Variants in LIMK2 observed in about 807,000 individuals in gnomAD.
LIMK2 encodes the protein LIM domain kinase 2.
A neutral mutation model predicts 75.7 loss-of-function variants in LIMK2; 35 were observed. That is an observed-to-expected ratio of 0.46 (90% CI 0.35 to 0.61). The LOEUF (loss-of-function observed/expected upper bound fraction) is 0.61, where lower values mean the gene tolerates loss of function less well. Among genes scored for constraint, LIMK2 ranks in the 20% least tolerant of loss-of-function variants. The pLI is 0.00. For missense variants in LIMK2, 623 were observed against 831.0 expected (o/e 0.75, Z 3.08); for synonymous variants, 301 against 319.2 (o/e 0.94, Z 0.61).
chr22:31,272,855 A>G, intron 13 of LIMK2, 151 bp downstream of exon 13: 1 of 1,408,128 alleles, frequency 7.1e-7, no homozygotes, highest in East Asian at 2.6e-5. Context: ...GTGGGGCCTC[A>G]CGATTTAGCT....
intron 15 of LIMK2, chr22:31,276,689 C>A: frequency 1.7e-6 from 2 of 1,155,724 alleles, no homozygotes; most frequent in Non-Finnish European, 2.1e-6. Flanking sequence ...CGGAGGCCGC[C>A]GTGGCGGACA....
In LIMK2 at chr22:31,262,283, A is replaced by C. The variant is rs1299159486; in HGVS notation, c.657+44A>C. 2.8e-6 allele frequency: 4 copies of C among 1,446,982 alleles called. No individual in the cohort carries two copies. The African/African-American group carries it at 4.2e-5, about 15-fold the overall frequency. 89.6% of individuals were successfully genotyped at this position (1,446,982 alleles called of 1,614,324 possible). ...CTGTCTTGTGAGGGTGGGACATGGA[A>C]CAGATCCTCTGAGAAATCAGGCTGT... On this transcript the variant is annotated intron_variant, in intron 6 of 15. Transcript: ENST00000331728. The surrounding 1 kb of genome is among the most constrained non-coding windows in gnomAD (Gnocchi z 5.0).
At chr22:31,247,731 T>C (rs2048684134) in intron 2 of LIMK2, among the ~76,000 whole-genome samples, 1 of 152,036 alleles carries the variant, frequency 6.6e-6, no homozygotes, top group Non-Finnish European at 1.5e-5. Context: ...GTCTGTAGAG[T>C]GGGAATAATT....
intron 12 of LIMK2, 152 bp from the exon 13 acceptor site, chr22:31,272,378 G>C: frequency 1.5e-6 from 1 of 676,546 alleles, no homozygotes. Flanking sequence ...CCTGGCCTGA[G>C]TGTGTCTATT....
chr22:31,268,207 C>A lies in LIMK2; in HGVS notation c.1317+7C>A, dbSNP rs781210625. The stretch of plus-strand genomic sequence containing the variant: ...AGGAATCGCCTCCGGAATGGTGAGT[C>A]CCACCAACAAACCTGCCAGCAGGGC... On this transcript the variant is annotated splice_region_variant and intron_variant, in intron 11 of 15. Coordinates refer to ENST00000331728, the MANE Select transcript of LIMK2 (RefSeq NM_005569.4). The A allele has an allele frequency of 4.0e-5, 64 of 1,611,764 alleles. No individual in the cohort carries two copies. The highest frequency in any genetic ancestry group is 5.4e-5 in the Non-Finnish European group (64 of 1,178,034).
At chr22:31,248,397 C>T in intron 2 of LIMK2, 1 of 1,369,040 alleles carries the variant, frequency 7.3e-7, no homozygotes, top group Non-Finnish European at 9.6e-7. Context: ...AGTCACCGGC[C>T]CCTGCTCAAG....
chr22:31,240,643 C>T (rs543331329), intron 2 of LIMK2, among the ~76,000 whole-genome samples: 64 of 152,080 alleles, frequency 4.2e-4, no homozygotes, highest in African/African-American at 1.5e-3. Flanking sequence ...AGGATGGTCT[C>T]GATCTCCTGA....
intron 7 of LIMK2, among the ~76,000 whole-genome samples, chr22:31,264,679 T>C (rs906357797): frequency 1.3e-5 from 2 of 152,192 alleles, no homozygotes; most frequent in Non-Finnish European, 2.9e-5. Context: ...TCCCAGCACA[T>C]TGGGAGGCCG....
At chr22:31,215,495 G>A (rs564910745) in intron 1 of LIMK2, among the ~76,000 whole-genome samples, 5 of 152,272 alleles carry the variant, frequency 3.3e-5, no homozygotes, top group African/African-American at 1.2e-4. Flanking sequence ...TGAAGAAACT[G>A]AGGCTCAGGG....
chr22:31,271,299 G>C, intron 12 of LIMK2, 98 bp downstream of exon 12: 2 of 1,027,248 alleles, frequency 1.9e-6, no homozygotes, highest in Non-Finnish European at 3.1e-6. Context: ...CTAGAGGGCA[G>C]AGGTGTTGCC....
intron 2 of LIMK2, among the ~76,000 whole-genome samples, chr22:31,227,558 T>C (rs538589782): frequency 2.6e-5 from 4 of 152,192 alleles, no homozygotes; most frequent in African/African-American, 9.7e-5. Flanking sequence ...CCCAGGGAAG[T>C]TGATTCTGTC....
At chr22:31,266,247 T>C in intron 8 of LIMK2, 115 bp downstream of exon 8, 1 of 1,048,576 alleles carries the variant, frequency 9.5e-7, no homozygotes. Context: ...CCAGGCCTCC[T>C]TCCTGGCTTT....
chr22:31,277,128 C>T (rs374876905), intron 15 of LIMK2: 6 of 1,613,662 alleles, frequency 3.7e-6, no homozygotes, highest in Middle Eastern at 1.7e-4. Context: ...TGAGCACACC[C>T]CAGAAGAAGT....
intron 2 of LIMK2, among the ~76,000 whole-genome samples, 187 bp from the exon 3 acceptor site, chr22:31,258,104 T>G (rs2048802471): frequency 6.6e-6 from 1 of 152,234 alleles, no homozygotes; most frequent in African/African-American, 2.4e-5. Context: ...AGAGCTGGTT[T>G]CTGGGGCCTT....
At chr22:31,226,876 T>G (rs1287883432) in intron 2 of LIMK2, among the ~76,000 whole-genome samples, 1 of 152,070 alleles carries the variant, frequency 6.6e-6, no homozygotes, top group East Asian at 1.9e-4. Context: ...TCCCAAAATG[T>G]TGGGATTACA....
chr22:31,242,173 G>T (rs573149390), intron 2 of LIMK2, among the ~76,000 whole-genome samples: 1 of 152,314 alleles, frequency 6.6e-6, no homozygotes, highest in African/African-American at 2.4e-5. Flanking sequence ...AAGGTCTCAT[G>T]ATGAGTAACC....
chr22:31,237,233 C>G (rs1272850409), intron 2 of LIMK2, among the ~76,000 whole-genome samples: 1 of 137,710 alleles, frequency 7.3e-6, no homozygotes, highest in Non-Finnish European at 1.6e-5. Context: ...TGCAGTCCAG[C>G]CTGGGCGACA....
chr22:31,267,945 G>T, intron 10 of LIMK2, 38 bp downstream of exon 10: 4 of 1,573,510 alleles, frequency 2.5e-6, no homozygotes, highest in Non-Finnish European at 3.4e-6. Flanking sequence ...GAGCCTTGGT[G>T]GGTTGTCAGA....
intron 2 of LIMK2, among the ~76,000 whole-genome samples, chr22:31,254,938 G>A (rs1214203822): frequency 2.0e-5 from 3 of 150,142 alleles, no homozygotes; most frequent in African/African-American, 4.9e-5. Context: ...CAGCCTGGGC[G>A]ATAAGAGCAA....
Sources: allele counts gnomAD v4.1 joint callset (sites outside exome capture counted in the v4.1 genomes callset), GRCh38; gene constraint gnomAD v4.1.1; non-coding constraint Gnocchi (gnomAD v3.1); transcripts MANE v1.5; gene names NCBI Gene and HGNC (gene_info 2026-07-23, HGNC 2026-07-21).